SPSB1: variants seen among roughly 807,000 people sequenced by gnomAD.
The protein encoded by SPSB1 is SPRY domain-containing SOCS box protein 1.
SPSB1 carries 8 observed loss-of-function variants against 21.2 expected under a neutral mutation model. That is an observed-to-expected ratio of 0.38 (90% CI 0.22 to 0.68). The LOEUF is 0.68. Ranked by LOEUF, SPSB1 falls within the 30% of genes least tolerant of loss-of-function variation. The pLI, the probability that SPSB1 is intolerant of heterozygous loss-of-function variation, is 0.53. For missense variants in SPSB1, 242 were observed against 377.8 expected (o/e 0.64, Z 2.98); for synonymous variants, 169 against 161.7 (o/e 1.05, Z -0.34).
rs772436653 is a variant in SPSB1, at chr1:9,346,954, A to G, written c.-149-8789A>G. ...ATAATCGGAAGTCTTGGGATAGATC[A>G]CTGTAGAAATAATGTCCCTCTTCGG... is the stretch of plus-strand genomic sequence containing the variant. On this transcript the variant is annotated intron_variant, in intron 1 of 2. Coordinates refer to ENST00000328089, the MANE Select transcript of SPSB1 (RefSeq NM_025106.4). The surrounding 1 kb of genome is among the most constrained non-coding windows in gnomAD (Gnocchi z 4.4). Among the ~76,000 whole-genome samples, 103 of 152,334 alleles carry G rather than the reference A, an allele frequency of 6.8e-4. 1 individual carries two copies. The highest frequency in any genetic ancestry group is 8.8e-4 in the Non-Finnish European group (60 of 68,026).
intron 1 of SPSB1, among the ~76,000 whole-genome samples, chr1:9,307,314 A>G (rs1262649103): frequency 6.6e-6 from 1 of 152,204 alleles, no homozygotes; most frequent in East Asian, 1.9e-4. Context: ...TATATTCACA[A>G]TGTCGTGCAA....
intron 2 of SPSB1, among the ~76,000 whole-genome samples, chr1:9,364,511 T>G (rs1235600573): frequency 6.6e-6 from 1 of 152,106 alleles, no homozygotes; most frequent in Non-Finnish European, 1.5e-5. Context: ...GCTGGGTGTT[T>G]TACCCGAGGG....
At chr1:9,343,108 C>G (rs1273205595) in intron 1 of SPSB1, among the ~76,000 whole-genome samples, 1 of 152,152 alleles carries the variant, frequency 6.6e-6, no homozygotes, top group African/African-American at 2.4e-5. Flanking sequence ...TAACATTCAC[C>G]TTTTTAAGAG....
rs1166681538 is a variant in SPSB1, at chr1:9,356,120, C to T, written c.229C>T (p.Arg77Trp). The change falls in exon 2 of 3, where the codon CGG becomes TGG. Residue 77 changes from arginine (R) to tryptophan (W), a missense_variant. Coordinates refer to ENST00000328089, the MANE Select transcript of SPSB1 (RefSeq NM_025106.4). The surrounding 1 kb of genome is among the most constrained non-coding windows in gnomAD (Gnocchi z 7.4). ...GGAGGACGACAAGCTCATCTTTCAC[C>T]GGCATCCGGTGGCCCAGAGCACGGA... ...VKEDDKLIFH[R>W]HPVAQSTDAI... 1.9e-6 allele frequency: 3 copies of T among 1,601,734 alleles called. No individual in the cohort carries two copies. The highest frequency in any genetic ancestry group is 1.7e-5 in the Admixed American group (1 of 59,622).
chr1:9,356,074 A>C lies in SPSB1; in HGVS notation c.183A>C (p.Arg61=). 6.2e-7 allele frequency: 1 copy of C among 1,613,344 alleles called. No homozygotes were observed. The change falls in exon 2 of 3, where the codon CGA becomes CGC. Residue 61 remains arginine (R), a synonymous_variant. Transcript: ENST00000328089. The surrounding 1 kb of genome is among the most constrained non-coding windows in gnomAD (Gnocchi z 7.4). Reference sequence around the variant, plus strand: ...TGCATTCATGGAACAACAACGACCGATCGCTCAATGTCTTTGTGAAGGAGG... The same window carrying C: ...TGCATTCATGGAACAACAACGACCGCTCGCTCAATGTCTTTGTGAAGGAGG... The part of the protein sequence containing the change: ...QLLHSWNNND[R]SLNVFVKEDD...
Position 9,348,224 on chromosome 1 carries a change from C to A in SPSB1, c.-149-7519C>A, listed in dbSNP as rs60402136. 0.087 allele frequency among the ~76,000 whole-genome samples: 13,275 copies of A among 151,904 alleles called. 802 individuals are homozygous for A. The highest frequency in any genetic ancestry group is 0.29 in the East Asian group (1,480 of 5,126). On this transcript the variant is annotated intron_variant, in intron 1 of 2. Transcript: ENST00000328089. The surrounding 1 kb of genome is among the most constrained non-coding windows in gnomAD (Gnocchi z 4.8). The stretch of plus-strand genomic sequence containing the variant: ...CCTCTCAAAGTGCTGGGATTACAGG[C>A]GTGAGCCACCGCGGCAACTTTTTTT...
rs1296370694 is a variant in SPSB1, at chr1:9,356,127, C to T, written c.236C>T (p.Pro79Leu). The T allele has an allele frequency of 1.2e-6, 2 of 1,600,462 alleles. No individual in the cohort carries two copies. The highest frequency in any genetic ancestry group is 8.5e-7 in the Non-Finnish European group (1 of 1,170,422). The change falls in exon 2 of 3, where the codon CCG becomes CTG. Residue 79 changes from proline (P) to leucine (L), a missense_variant. Transcript: ENST00000328089. The surrounding 1 kb of genome is among the most constrained non-coding windows in gnomAD (Gnocchi z 7.4). ...GACAAGCTCATCTTTCACCGGCATC[C>T]GGTGGCCCAGAGCACGGACGCTATC... ...EDDKLIFHRH[P>L]VAQSTDAIRG...
chr1:9,361,670 G>A (rs115630078), intron 2 of SPSB1, among the ~76,000 whole-genome samples: 2,892 of 152,346 alleles, frequency 0.019, 91 homozygotes, highest in African/African-American at 0.066. Context: ...CACAGGCCCC[G>A]TGCTCTGATT....
rs1291906466 is a variant in SPSB1 at position 9,321,126 on chromosome 1, AAAC to A, written c.-150+28062_-150+28064del. ...TCCTTCTACCCCTCCCCCGAAAAGA[AAAC>A]AACAACCAAAAAATCCCCCCAAAAC... On this transcript the variant is annotated intron_variant, in intron 1 of 2. Coordinates refer to ENST00000328089, the MANE Select transcript of SPSB1 (RefSeq NM_025106.4). The surrounding 1 kb of genome is among the most constrained non-coding windows in gnomAD (Gnocchi z 4.8). Among the ~76,000 whole-genome samples, 4 of 150,192 alleles carry A rather than the reference AAAC, an allele frequency of 2.7e-5. No homozygotes were observed. Among genetic ancestry groups the A allele is most frequent in the African/African-American group, 7.3e-5 (3 of 40,950 alleles).
At position 9,293,295 on chromosome 1, in the gene SPSB1, G is replaced by A. The variant is rs2100452843; in HGVS notation, c.-150+224G>A. Among the ~76,000 whole-genome samples, 1 of 149,538 alleles carries A rather than the reference G, an allele frequency of 6.7e-6. No individual in the cohort carries two copies. Among genetic ancestry groups the A allele is most frequent in the South Asian group, 2.1e-4 (1 of 4,788 alleles). On this transcript the variant is annotated intron_variant, in intron 1 of 2. Coordinates refer to ENST00000328089, the MANE Select transcript of SPSB1 (RefSeq NM_025106.4). The surrounding 1 kb of genome is among the most constrained non-coding windows in gnomAD (Gnocchi z 5.1). Reference sequence around the variant, plus strand: ...GGCGCCTCCCTCGCCGCGGCTCCTGGGAGAGGGGCCCAGGCCCGCCCCGCG... The same window carrying A: ...GGCGCCTCCCTCGCCGCGGCTCCTGAGAGAGGGGCCCAGGCCCGCCCCGCG...
At position 9,323,870 on chromosome 1, in the gene SPSB1, G is replaced by A. The variant is rs530178721; in HGVS notation, c.-150+30799G>A. Among the ~76,000 whole-genome samples the A allele has an allele frequency of 3.3e-5, 5 of 152,296 alleles. No individual in the cohort carries two copies. In the South Asian group the frequency reaches 8.3e-4, roughly 25 times the overall value. ...TGTGCCATGTGGGACCTTGGAACCC[G>A]AGCCTTCTCCCATCCCTTCCTCTTA... On this transcript the variant is annotated intron_variant, in intron 1 of 2. Transcript: ENST00000328089.
rs1639784811 is a variant in SPSB1 at position 9,324,767 on chromosome 1, C to A, written c.-149-30976C>A. Among the ~76,000 whole-genome samples, 1 of 152,220 alleles carries A rather than the reference C, an allele frequency of 6.6e-6. No individual in the cohort carries two copies. The highest frequency in any genetic ancestry group is 1.5e-5 in the Non-Finnish European group (1 of 68,026). Reference sequence around the variant, plus strand: ...ACAGCCACCTCCGAGCCACAGCTCACTCTGACAAAAACGCTTGTGGCCCTG... The same window carrying A: ...ACAGCCACCTCCGAGCCACAGCTCAATCTGACAAAAACGCTTGTGGCCCTG... On this transcript the variant is annotated intron_variant, in intron 1 of 2. Transcript: ENST00000328089. This position sits in a 1 kb window ranked among gnomAD's most constrained non-coding sequence, Gnocchi z 4.3.
Position 9,312,134 on chromosome 1 carries a change from C to T in SPSB1, c.-150+19063C>T, listed in dbSNP as rs565875554. Reference sequence around the variant, plus strand: ...CTGGGACCACAGACACATGCCACCACGCTTGGCTAATTTTTATTTTATTTT... The same window carrying T: ...CTGGGACCACAGACACATGCCACCATGCTTGGCTAATTTTTATTTTATTTT... On this transcript the variant is annotated intron_variant, in intron 1 of 2. Transcript: ENST00000328089. Among the ~76,000 whole-genome samples the T allele has an allele frequency of 9.3e-4, 141 of 152,086 alleles. 1 individual carries two copies. The highest frequency in any genetic ancestry group is 3.3e-3 in the African/African-American group (135 of 41,502).
chr1:9,325,425 G>T (rs1026053866), intron 1 of SPSB1, among the ~76,000 whole-genome samples: 1 of 152,198 alleles, frequency 6.6e-6, no homozygotes, highest in African/African-American at 2.4e-5. Context: ...AGTGGGGAAG[G>T]TTCCATAGCA....
At position 9,346,684 on chromosome 1, in the gene SPSB1, A is replaced by G. The variant is rs191962979; in HGVS notation, c.-149-9059A>G. ...TCAGCCTCCCCCAGGGTCTGCTCTCAGTGCCTCATTCCTCCTCACCTCCTC... is the reference window on the plus strand; with the variant it reads ...TCAGCCTCCCCCAGGGTCTGCTCTCGGTGCCTCATTCCTCCTCACCTCCTC... On this transcript the variant is annotated intron_variant, in intron 1 of 2. Transcript: ENST00000328089. The surrounding 1 kb of genome is among the most constrained non-coding windows in gnomAD (Gnocchi z 4.4). 1.8e-4 allele frequency among the ~76,000 whole-genome samples: 27 copies of G among 152,238 alleles called. No homozygotes were observed. Among genetic ancestry groups the G allele is most frequent in the Admixed American group, 4.6e-4 (7 of 15,288 alleles).
At chr1:9,343,146 G>A (rs145499213) in intron 1 of SPSB1, among the ~76,000 whole-genome samples, 34 of 152,214 alleles carry the variant, frequency 2.2e-4, no homozygotes, top group African/African-American at 6.3e-4. Context: ...GAGTACATTC[G>A]CAATATAGTA....
chr1:9,329,129 G>A (rs927780667), intron 1 of SPSB1, among the ~76,000 whole-genome samples: 1 of 152,214 alleles, frequency 6.6e-6, no homozygotes. Context: ...AGCCTCCCAA[G>A]GGGGAGAATT....
chr1:9,342,090 T>C (rs534693528), intron 1 of SPSB1, among the ~76,000 whole-genome samples: 13 of 152,334 alleles, frequency 8.5e-5, no homozygotes, highest in African/African-American at 1.9e-4. Flanking sequence ...CATTCTAACC[T>C]GTCTTAGGGG....
intron 1 of SPSB1, among the ~76,000 whole-genome samples, chr1:9,352,417 C>G (rs1439614653): frequency 1.3e-5 from 2 of 152,182 alleles, no homozygotes; most frequent in Non-Finnish European, 2.9e-5. Flanking sequence ...GCTGGCGGAC[C>G]CCAGGCCAGC....
Sources: gnomAD v4.1 joint callset for allele counts (sites outside exome capture counted in the v4.1 genomes callset) on GRCh38, gnomAD v4.1.1 for gene constraint, Gnocchi (gnomAD v3.1) non-coding constraint, MANE v1.5 for transcripts, NCBI Gene and HGNC (gene_info 2026-07-23, HGNC 2026-07-21) for gene names.